The following RNF220 variants were observed in gnomAD, a reference collection of about 807,000 sequenced individuals.
The protein encoded by RNF220 is ring finger protein 220.
A neutral mutation model predicts 67.1 loss-of-function variants in RNF220; 7 were observed. That is an observed-to-expected ratio of 0.10 (90% CI 0.06 to 0.20). RNF220 has a LOEUF of 0.20. RNF220 is among the 10% of genes least tolerant of loss of function. RNF220 has a pLI of 1.00. For synonymous variants in RNF220, 270 were observed against 283.2 expected, an observed-to-expected ratio of 0.95 and a Z score of 0.47; for missense variants, 565 against 740.3, an observed-to-expected ratio of 0.76 and a Z score of 2.75.
chr1:44,434,180 G>A (rs72893861), intron 2 of RNF220, among the ~76,000 whole-genome samples: 5,068 of 152,022 alleles, frequency 0.033, 288 homozygotes, highest in African/African-American at 0.12. Flanking sequence ...GATGAGCCAG[G>A]CACAACTATG....
intron 2 of RNF220, among the ~76,000 whole-genome samples, chr1:44,610,676 C>A (rs899977357): frequency 2.6e-5 from 4 of 152,172 alleles, no homozygotes; most frequent in Non-Finnish European, 5.9e-5. Context: ...TCGGCCTGCC[C>A]ACCTGTGGTG....
At chr1:44,511,581 G>C (rs1658995195) in intron 2 of RNF220, among the ~76,000 whole-genome samples, 1 of 152,196 alleles carries the variant, frequency 6.6e-6, no homozygotes, top group Admixed American at 6.5e-5. Context: ...AATCGTTCCT[G>C]ATAGAAAGCA....
intron 2 of RNF220, among the ~76,000 whole-genome samples, chr1:44,437,717 G>T (rs1294344888): frequency 6.6e-6 from 1 of 152,196 alleles, no homozygotes; most frequent in Admixed American, 6.5e-5. Flanking sequence ...GAGCTCAGGG[G>T]TAAGGGATGG....
intron 8 of RNF220, chr1:44,636,597 C>T: frequency 4.9e-6 from 3 of 606,994 alleles, no homozygotes; most frequent in South Asian, 2.0e-5. Flanking sequence ...TTGGATTTTC[C>T]TCCTCCTCCT....
At chr1:44,444,615 A>G (rs1651896851) in intron 2 of RNF220, among the ~76,000 whole-genome samples, 2 of 151,804 alleles carry the variant, frequency 1.3e-5, no homozygotes, top group Non-Finnish European at 2.9e-5. Context: ...TAATTTTTGT[A>G]TTTTTTGTAG....
intron 2 of RNF220, among the ~76,000 whole-genome samples, chr1:44,435,158 A>C (rs893912125): frequency 3.3e-5 from 5 of 152,232 alleles, no homozygotes. Flanking sequence ...GCCTAAAAAA[A>C]CACCAAAAAA....
chr1:44,624,694 G>A lies in RNF220; in HGVS notation c.805-1603G>A, dbSNP rs1557450075. Among the ~76,000 whole-genome samples, 1 of 152,128 alleles carries A rather than the reference G, an allele frequency of 6.6e-6. No individual in the cohort carries two copies. Among genetic ancestry groups the A allele is most frequent in the Non-Finnish European group, 1.5e-5 (1 of 68,026 alleles). On this transcript the variant is annotated intron_variant, in intron 4 of 14. Coordinates refer to ENST00000361799, the MANE Select transcript of RNF220 (RefSeq NM_018150.4). This position sits in a 1 kb window ranked among gnomAD's most constrained non-coding sequence, Gnocchi z 4.2. Reference sequence around the variant, plus strand: ...GGGAGAAGGAGGGAGGGAGGAGGAGGAGAGGGCGAGGGGGCCTTAGACAAG... The same window carrying A: ...GGGAGAAGGAGGGAGGGAGGAGGAGAAGAGGGCGAGGGGGCCTTAGACAAG...
At chr1:44,430,181 C>T (rs941196750) in intron 2 of RNF220, among the ~76,000 whole-genome samples, 1 of 151,898 alleles carries the variant, frequency 6.6e-6, no homozygotes, top group African/African-American at 2.4e-5. Context: ...CTAGTTTCCC[C>T]TGGGAAGTAT....
At chr1:44,641,746 A>G (rs776941522) in intron 8 of RNF220, among the ~76,000 whole-genome samples, 19 of 152,214 alleles carry the variant, frequency 1.2e-4, no homozygotes, top group Non-Finnish European at 2.2e-4. Flanking sequence ...TGAAATTGGC[A>G]GCAGCAGCCT....
intron 8 of RNF220, chr1:44,643,656 A>G (rs899345434): frequency 1.3e-5 from 2 of 152,240 alleles, no homozygotes; most frequent in African/African-American, 4.8e-5. Flanking sequence ...TGAAATCATC[A>G]GGCAGATACT....
intron 2 of RNF220, among the ~76,000 whole-genome samples, chr1:44,497,749 CCCTGG>C: frequency 6.6e-6 from 1 of 152,230 alleles, no homozygotes; most frequent in African/African-American, 2.4e-5. Flanking sequence ...TTCCCCTCAT[CCCTGG>C]TTCATTTACT....
At chr1:44,461,351 C>T (rs1653741992) in intron 2 of RNF220, among the ~76,000 whole-genome samples, 1 of 152,112 alleles carries the variant, frequency 6.6e-6, no homozygotes, top group African/African-American at 2.4e-5. Context: ...GATATTTTTA[C>T]ATGGTTACAT....
At chr1:44,406,084 AG>A (rs1330628953) in intron 1 of RNF220, among the ~76,000 whole-genome samples, 1 of 152,146 alleles carries the variant, frequency 6.6e-6, no homozygotes, top group East Asian at 1.9e-4. Context: ...CGGATGGAGA[AG>A]GGGCGAGCCG....
chr1:44,601,286 G>A (rs1048605431), intron 2 of RNF220, among the ~76,000 whole-genome samples: 3 of 152,182 alleles, frequency 2.0e-5, no homozygotes, highest in African/African-American at 7.2e-5. Context: ...AGGTAAAAAA[G>A]TATGGGCAGC....
chr1:44,602,548 T>C (rs1046528005), intron 2 of RNF220, among the ~76,000 whole-genome samples: 13 of 152,010 alleles, frequency 8.6e-5, no homozygotes, highest in African/African-American at 3.1e-4. Flanking sequence ...CAGTCGGAGC[T>C]ACCTCCACCA....
chr1:44,553,699 G>C (rs1421433324), intron 2 of RNF220, among the ~76,000 whole-genome samples: 1 of 152,210 alleles, frequency 6.6e-6, no homozygotes, highest in African/African-American at 2.4e-5. Context: ...ATATGGTCCA[G>C]TTAGTGTCCC....
chr1:44,570,928 G>T (rs1664396390), intron 2 of RNF220, among the ~76,000 whole-genome samples: 1 of 151,990 alleles, frequency 6.6e-6, no homozygotes, highest in African/African-American at 2.4e-5. Flanking sequence ...ACAAAAATTA[G>T]CTGGGCATGG....
At chr1:44,413,177 AC>A (rs1163803412) in intron 2 of RNF220, among the ~76,000 whole-genome samples, 1 of 152,104 alleles carries the variant, frequency 6.6e-6, no homozygotes, top group Non-Finnish European at 1.5e-5. Flanking sequence ...AGCAGACTCC[AC>A]GTGATTCTAT....
At chr1:44,635,857 T>G in intron 7 of RNF220, 173 bp from the exon 8 acceptor site, 1 of 1,337,384 alleles carries the variant, frequency 7.5e-7, no homozygotes, top group South Asian at 1.4e-5. Context: ...GGAAAACTAT[T>G]GGGAAGAGGC....
Sources: gnomAD v4.1 joint callset for allele counts (sites outside exome capture counted in the v4.1 genomes callset) on GRCh38, gnomAD v4.1.1 for gene constraint, Gnocchi (gnomAD v3.1) non-coding constraint, MANE v1.5 for transcripts, NCBI Gene and HGNC (gene_info 2026-07-23, HGNC 2026-07-21) for gene names.